Variants in RHBDD1 observed in about 807,000 individuals in gnomAD.
The protein encoded by RHBDD1 is rhomboid domain containing 1.
A neutral mutation model predicts 36.3 loss-of-function variants in RHBDD1; 38 were observed. The observed-to-expected ratio is 1.05, with a 90% CI of 0.81 to 1.37. The LOEUF is 1.37. Ranked by LOEUF, RHBDD1 falls within the 40% of genes most tolerant of loss-of-function variation. RHBDD1 has a pLI of 0.00. For synonymous variants in RHBDD1, 151 were observed against 136.5 expected, an observed-to-expected ratio of 1.11 and a Z score of -0.74; for missense variants, 393 against 377.6, an observed-to-expected ratio of 1.04 and a Z score of -0.34.
chr2:226,977,877 T>G (rs1954881949), intron 8 of RHBDD1, among the ~76,000 whole-genome samples: 1 of 152,242 alleles, frequency 6.6e-6, no homozygotes, highest in African/African-American at 2.4e-5. Context: ...ATTGTAAACA[T>G]GAAGAGTTTG....
chr2:226,830,520 G>T, the RHBDD1 span, among the ~76,000 whole-genome samples: 398 of 152,228 alleles, frequency 2.6e-3, 1 homozygote, highest in African/African-American at 9.3e-3. Flanking sequence ...TGCTAAGAGG[G>T]TCTTGCTATG....
intron 3 of RHBDD1, among the ~76,000 whole-genome samples, chr2:226,850,387 G>T (rs1378663095): frequency 6.6e-6 from 1 of 152,140 alleles, no homozygotes; most frequent in Non-Finnish European, 1.5e-5. Flanking sequence ...AGGTCTTTTA[G>T]CAAGGGTCCT....
At chr2:226,945,296 G>A (rs919848170) in intron 8 of RHBDD1, among the ~76,000 whole-genome samples, 13 of 151,778 alleles carry the variant, frequency 8.6e-5, no homozygotes, top group African/African-American at 3.1e-4. Context: ...TCTCCTAATG[G>A]TATCCCTCCC....
chr2:226,849,723 C>CTA (rs1157500927), intron 3 of RHBDD1, among the ~76,000 whole-genome samples: 8 of 151,946 alleles, frequency 5.3e-5, no homozygotes, highest in Non-Finnish European at 8.8e-5. Context: ...ATATCTATAT[C>CTA]TATATAATCT....
At chr2:226,940,950 C>CT (rs1194250936) in intron 8 of RHBDD1, among the ~76,000 whole-genome samples, 1,670 of 146,010 alleles carry the variant, frequency 0.011, 25 homozygotes, top group African/African-American at 0.036. Context: ...TTTCTTTTTC[C>CT]TTTTTTTTTT....
chr2:226,846,496 C>T (rs955940236), intron 3 of RHBDD1, among the ~76,000 whole-genome samples: 1 of 152,096 alleles, frequency 6.6e-6, no homozygotes, highest in Non-Finnish European at 1.5e-5. Flanking sequence ...GTAATCCCAG[C>T]ACTTTGGGAG....
chr2:226,937,898 A>G (rs1950434193), intron 8 of RHBDD1, among the ~76,000 whole-genome samples: 1 of 152,172 alleles, frequency 6.6e-6, no homozygotes. Context: ...TGCTGCAGTG[A>G]ACATACACGT....
At chr2:226,884,714 G>T (rs1946069633) in intron 5 of RHBDD1, among the ~76,000 whole-genome samples, 1 of 152,072 alleles carries the variant, frequency 6.6e-6, no homozygotes. Flanking sequence ...AAACAATGTT[G>T]CTTAAATAAT....
intron 5 of RHBDD1, among the ~76,000 whole-genome samples, chr2:226,891,689 A>G (rs1358752237): frequency 6.6e-6 from 1 of 152,212 alleles, no homozygotes; most frequent in East Asian, 1.9e-4. Context: ...TTGTATAAGT[A>G]TCTGTACCCA....
chr2:226,973,973 T>A (rs1384609559), intron 8 of RHBDD1, among the ~76,000 whole-genome samples: 2 of 152,164 alleles, frequency 1.3e-5, no homozygotes, highest in Non-Finnish European at 2.9e-5. Context: ...TGCAATGAGC[T>A]TGAGGGTTTT....
rs762181857 is a variant in RHBDD1, at chr2:226,864,796, T to A, written c.103T>A (p.Leu35Met). ...TATTCCACCTGTCACCCTAGCAACT[T>A]TGGCCCTCAACATCTGGTTCTTCTT... ...NNIPPVTLAT[L>M]ALNIWFFLNP... Residue 35 changes from leucine (L) to methionine (M), a missense_variant, in exon 4 of 9, where the codon TTG becomes ATG. Physicochemically the swap from Leu to Met is conservative, Grantham distance 15. Coordinates refer to ENST00000392062, the MANE Select transcript of RHBDD1 (RefSeq NM_001167608.3). The A allele has an allele frequency of 6.2e-7, 1 of 1,614,168 alleles. No individual in the cohort carries two copies. The highest frequency in any genetic ancestry group is 1.7e-5 in the Admixed American group (1 of 60,020).
chr2:226,908,587 A>ACG, intron 6 of RHBDD1: 1 of 402,784 alleles, frequency 2.5e-6, no homozygotes, highest in South Asian at 4.7e-5. Flanking sequence ...TCCACTACAC[A>ACG]CACACACACA....
the RHBDD1 span, among the ~76,000 whole-genome samples, chr2:226,815,177 C>T: frequency 6.6e-6 from 1 of 152,190 alleles, no homozygotes. Flanking sequence ...AATTTATTTT[C>T]CTTTCTTTAC....
At chr2:226,843,895 A>G (rs1285811503) in intron 3 of RHBDD1, among the ~76,000 whole-genome samples, 2 of 152,110 alleles carry the variant, frequency 1.3e-5, no homozygotes, top group Non-Finnish European at 2.9e-5. Flanking sequence ...CTGTGAATCC[A>G]TCTGGTCCTG....
intron 8 of RHBDD1, chr2:226,942,530 T>C (rs951482096): frequency 5.4e-6 from 2 of 373,508 alleles, no homozygotes; most frequent in South Asian, 2.0e-5. Context: ...TGAGCCACCG[T>C]GCCCAGCCGT....
At chr2:226,978,502 C>T (rs902416762) in intron 8 of RHBDD1, among the ~76,000 whole-genome samples, 6 of 152,144 alleles carry the variant, frequency 3.9e-5, no homozygotes, top group African/African-American at 1.4e-4. Context: ...AAACTGCCCA[C>T]CTACGTCGAG....
intron 8 of RHBDD1, among the ~76,000 whole-genome samples, chr2:226,954,960 C>T (rs1267922025): frequency 6.6e-6 from 1 of 151,902 alleles, no homozygotes; most frequent in East Asian, 1.9e-4. Flanking sequence ...GGAGCGTTCA[C>T]CCAGAGGGAC....
chr2:226,976,847 T>C (rs1575394758), intron 8 of RHBDD1, among the ~76,000 whole-genome samples: 1 of 152,218 alleles, frequency 6.6e-6, no homozygotes. Flanking sequence ...AATACTGCTC[T>C]GATATTTTTC....
rs549333317 is a variant in RHBDD1 at position 226,864,892 on chromosome 2, C to T, written c.199C>T (p.Arg67Cys). Residue 67 changes from arginine (R) to cysteine (C), a missense_variant, in exon 4 of 9, where the codon CGT becomes TGT. Physicochemically the swap from Arg to Cys is radical, Grantham distance 180 (BLOSUM62 -3). Transcript: ENST00000392062. Reference protein sequence around the residue: ...EKCYQQKDWQRLLLSPLHHAD... With the variant: ...EKCYQQKDWQCLLLSPLHHAD... ...GTGTTACCAGCAAAAAGACTGGCAG[C>T]GTTTACTGCTCTCTCCCCTTCACCA... The T allele has an allele frequency of 1.2e-5, 20 of 1,614,146 alleles. No homozygotes were observed. In the East Asian group the frequency reaches 1.3e-4, roughly 11 times the overall value.
Sources: gnomAD v4.1 joint callset for allele counts (sites outside exome capture counted in the v4.1 genomes callset) on GRCh38, gnomAD v4.1.1 for gene constraint, MANE v1.5 for transcripts, NCBI Gene and HGNC (gene_info 2026-07-23, HGNC 2026-07-21) for gene names.